The following ANKRD36C variants were observed in gnomAD, a reference collection of about 807,000 sequenced individuals.
ANKRD36C encodes ankyrin repeat domain 36C.
Under a neutral mutation model 276.4 loss-of-function variants are expected in ANKRD36C, and 61 were observed. The ratio of observed to expected loss-of-function variants is 0.22; its 90% CI spans 0.18 to 0.27. The LOEUF is 0.27. ANKRD36C is among the 10% of genes least tolerant of loss of function. The probability of loss-of-function intolerance (pLI) is 1.00; values close to 1 mark genes in which losing one functional copy is unlikely to be tolerated. For synonymous variants in ANKRD36C, 483 were observed against 680.1 expected (o/e 0.71, Z 4.51); for missense variants, 1,447 against 2,032.3 (o/e 0.71, Z 5.54).
chr2:95,851,574 C>T, intron 66 of ANKRD36C, 120 bp downstream of exon 86: 3 of 900,340 alleles, frequency 3.3e-6, no homozygotes, highest in Non-Finnish European at 5.1e-6. Context: ...TGCAAATATT[C>T]CAAAATCTGA....
chr2:95,897,361 G>T lies in ANKRD36C; in HGVS notation c.2755+1784C>A. On this transcript the variant is annotated intron_variant, in intron 44 of 66. Transcript: ENST00000456556. Reference sequence around the variant, plus strand: ...TTGTAGCCTGAATGGAATTTGAAATGAAATAATAAATTAATAAAGTATGTT... The same window carrying T: ...TTGTAGCCTGAATGGAATTTGAAATTAAATAATAAATTAATAAAGTATGTT... The T allele has an allele frequency of 6.4e-7, 1 of 1,557,340 alleles. No homozygotes were observed. Among genetic ancestry groups the T allele is most frequent in the Non-Finnish European group, 8.7e-7 (1 of 1,147,412 alleles).
intron 42 of ANKRD36C, among the ~76,000 whole-genome samples, 175 bp downstream of exon 54, chr2:95,902,711 T>G (rs543224319): frequency 6.7e-6 from 1 of 150,370 alleles, no homozygotes; most frequent in Non-Finnish European, 1.5e-5. Flanking sequence ...ACTGCGAAGA[T>G]CATGTTCCAG....
exon 1 of ANKRD36C, chr2:95,991,753 C>T (rs1028778988): frequency 3.3e-5 from 53 of 1,592,660 alleles, no homozygotes; most frequent in Admixed American, 1.4e-4. Context: ...TTTCAGCTCG[C>T]CTTCGGGGAT....
At chr2:95,965,007 A>C (rs1170513705) in intron 6 of ANKRD36C, among the ~76,000 whole-genome samples, 5 of 151,866 alleles carry the variant, frequency 3.3e-5, no homozygotes, top group Non-Finnish European at 7.4e-5. Context: ...CTTCAGAAAT[A>C]ACTTGTGAAG....
intron 4 of ANKRD36C, among the ~76,000 whole-genome samples, chr2:95,981,899 A>G (rs891528642): frequency 1.2e-4 from 18 of 152,318 alleles, no homozygotes; most frequent in Admixed American, 7.2e-4. Context: ...AAACCCCTTT[A>G]GCTAATGTAA....
intron 1 of ANKRD36C, among the ~76,000 whole-genome samples, chr2:95,988,062 G>GAT (rs1679067910): frequency 4.0e-5 from 6 of 150,912 alleles, no homozygotes; most frequent in Admixed American, 4.0e-4. Context: ...AATCCGTGAT[G>GAT]CCTTACATTA....
chr2:95,912,129 C>A (rs1368505958), intron 42 of ANKRD36C, 115 bp downstream of exon 44: 12 of 1,412,708 alleles, frequency 8.5e-6, no homozygotes, highest in African/African-American at 1.4e-5. Flanking sequence ...AATGAAGAAT[C>A]TCAGGCCTGC....
chr2:95,881,117 C>T (rs1263959588), intron 56 of ANKRD36C, among the ~76,000 whole-genome samples: 4 of 152,082 alleles, frequency 2.6e-5, no homozygotes, highest in African/African-American at 4.8e-5. Flanking sequence ...ATACACTTCA[C>T]GTGTCTTCAG....
intron 26 of ANKRD36C, among the ~76,000 whole-genome samples, chr2:95,928,134 A>T (rs546449694): frequency 6.6e-6 from 1 of 151,814 alleles, no homozygotes; most frequent in South Asian, 2.1e-4. Context: ...AACTGCTACA[A>T]GCATTAGATA....
chr2:95,956,852 C>T (rs1471126935), intron 12 of ANKRD36C, 36 bp from the exon 13 acceptor site: 1 of 1,502,704 alleles, frequency 6.7e-7, no homozygotes, highest in East Asian at 2.5e-5. Flanking sequence ...TTTAAATCAA[C>T]AATAGGAACC....
chr2:95,938,313 AAAG>A (rs1281651898), intron 22 of ANKRD36C, among the ~76,000 whole-genome samples: 1 of 152,308 alleles, frequency 6.6e-6, no homozygotes, highest in Non-Finnish European at 1.5e-5. Flanking sequence ...AAGAGTTACA[AAAG>A]AATGATTAAT....
At chr2:95,970,133 T>C (rs1173226174) in intron 6 of ANKRD36C, among the ~76,000 whole-genome samples, 13 of 152,194 alleles carry the variant, frequency 8.5e-5, no homozygotes, top group Admixed American at 8.5e-4. Flanking sequence ...AACTGTACTC[T>C]GTTCTATGGC....
intron 46 of ANKRD36C, among the ~76,000 whole-genome samples, 157 bp downstream of exon 66, chr2:95,891,508 G>GCAT (rs1165334940): frequency 1.3e-5 from 2 of 150,924 alleles, no homozygotes; most frequent in African/African-American, 4.8e-5. Flanking sequence ...CAGAGCAGCA[G>GCAT]CATCATCATC....
chr2:95,917,059 T>C (rs1969523), intron 36 of ANKRD36C, among the ~76,000 whole-genome samples: 6,775 of 151,666 alleles, frequency 0.045, 487 homozygotes, highest in African/African-American at 0.15. Flanking sequence ...AGAAGTTTGA[T>C]GAAATAGCTA....
intron 40 of ANKRD36C, 69 bp downstream of exon 42, chr2:95,914,039 T>G (rs191126466): frequency 7.6e-6 from 11 of 1,439,624 alleles, no homozygotes; most frequent in Admixed American, 2.1e-5. Context: ...CCCCCGCTGA[T>G]TTCTTCAGGG....
At chr2:95,903,299 T>C (rs1039460601) in intron 42 of ANKRD36C, among the ~76,000 whole-genome samples, 20 of 150,512 alleles carry the variant, frequency 1.3e-4, no homozygotes, top group Non-Finnish European at 2.2e-4. Flanking sequence ...TCAAACATGG[T>C]ATGATTTGTC....
At chr2:95,898,328 G>GT (rs1278017033) in intron 44 of ANKRD36C, among the ~76,000 whole-genome samples, 28 of 141,500 alleles carry the variant, frequency 2.0e-4, no homozygotes, top group African/African-American at 7.4e-4. Context: ...CTTGTTGGGA[G>GT]TATCATGTTG....
rs1161000178 is a variant in ANKRD36C, at chr2:95,930,616, T to C, written c.1736-1349A>G. 2.0e-5 allele frequency among the ~76,000 whole-genome samples: 3 copies of C among 151,212 alleles called. No individual in the cohort carries two copies. The East Asian group carries it at 5.8e-4, about 29-fold the overall frequency. On this transcript the variant is annotated intron_variant, in intron 24 of 66. Coordinates refer to ENST00000456556, the Ensembl canonical transcript of ANKRD36C. ...CAAAGTTTCTAAATCACTAGAGACT[T>C]CTTTTCTTATAAATAACCAACCAAT... is the stretch of plus-strand genomic sequence containing the variant.
intron 17 of ANKRD36C, among the ~76,000 whole-genome samples, chr2:95,947,641 G>A (rs572963620): frequency 5.3e-4 from 81 of 152,190 alleles, no homozygotes; most frequent in African/African-American, 1.9e-3. Flanking sequence ...TGAAATTAAA[G>A]TCTGATCATA....
Sources: allele counts gnomAD v4.1 joint callset (sites outside exome capture counted in the v4.1 genomes callset), GRCh38; gene constraint gnomAD v4.1.1; transcripts MANE v1.5; gene names NCBI Gene and HGNC (gene_info 2026-07-23, HGNC 2026-07-21).